NHSL2: variants seen among roughly 807,000 people sequenced by gnomAD.
NHSL2 encodes NHS-like protein 2.
A neutral mutation model predicts 53.4 loss-of-function variants in NHSL2; 27 were observed. That is an observed-to-expected ratio of 0.51 (90% confidence interval 0.37 to 0.70). The LOEUF (loss-of-function observed/expected upper bound fraction) is 0.70. NHSL2 is among the 30% of genes least tolerant of loss of function. The pLI, the probability that NHSL2 is intolerant of heterozygous loss-of-function variation, is 0.00. For synonymous variants in NHSL2, 408 were observed against 404.1 expected (o/e 1.01, Z -0.12); for missense variants, 892 against 980.1 (o/e 0.91, Z 1.20).
intron 1 of NHSL2, among the ~76,000 whole-genome samples, chrX:72,004,955 G>A (rs1009991681): frequency 1.8e-5 from 2 of 111,445 alleles, no homozygotes; most frequent in East Asian, 2.8e-4. Context: ...TATGGAAGGC[G>A]AGGCATTCTG....
At chrX:72,113,390 G>A (rs1226241577) in intron 1 of NHSL2, among the ~76,000 whole-genome samples, 2 of 111,220 alleles carry the variant, frequency 1.8e-5, no homozygotes, top group Non-Finnish European at 3.8e-5. Flanking sequence ...CTGCTGTTGT[G>A]CTAGACCCCT....
At chrX:71,961,541 G>T (rs1369923218) in intron 1 of NHSL2, among the ~76,000 whole-genome samples, 1 of 110,247 alleles carries the variant, frequency 9.1e-6, no homozygotes, top group Non-Finnish European at 1.9e-5. Context: ...GTATTGAATA[G>T]AAGTGTCAAG....
chrX:72,107,355 A>G (rs995882782), intron 1 of NHSL2, among the ~76,000 whole-genome samples: 1 of 112,491 alleles, frequency 8.9e-6, no homozygotes, highest in African/African-American at 3.2e-5. Flanking sequence ...AAATCTTAAG[A>G]TCTGGTCCCA....
intron 1 of NHSL2, among the ~76,000 whole-genome samples, chrX:72,028,868 G>A (rs926236130): frequency 8.9e-6 from 1 of 112,431 alleles, no homozygotes; most frequent in Non-Finnish European, 1.9e-5. Context: ...CCCTGGTTGG[G>A]TCCTCAGCAT....
intron 1 of NHSL2, among the ~76,000 whole-genome samples, chrX:72,056,467 A>G (rs2042369967): frequency 9.0e-6 from 1 of 110,895 alleles, no homozygotes; most frequent in Admixed American, 9.5e-5. Flanking sequence ...TCACCAATAT[A>G]CTCTCTCAGC....
intron 1 of NHSL2, among the ~76,000 whole-genome samples, chrX:71,927,673 C>A (rs2041692562): frequency 1.8e-5 from 2 of 111,320 alleles, no homozygotes; most frequent in Admixed American, 1.9e-4. Context: ...TCTCCTGCCT[C>A]AGCCTCCTGA....
chrX:72,011,183 G>A (rs777116926), intron 1 of NHSL2, among the ~76,000 whole-genome samples: 1 of 111,814 alleles, frequency 8.9e-6, no homozygotes, highest in African/African-American at 3.3e-5. Context: ...ATGTATCAAA[G>A]ACCGTTTATC....
At chrX:72,110,829 G>A (rs1971525759) in intron 1 of NHSL2, among the ~76,000 whole-genome samples, 1 of 107,581 alleles carries the variant, frequency 9.3e-6, no homozygotes, top group East Asian at 2.9e-4. Flanking sequence ...CAGCACACAC[G>A]GCCACCACAG....
intron 1 of NHSL2, among the ~76,000 whole-genome samples, chrX:72,010,230 T>C (rs1395744861): frequency 8.9e-6 from 1 of 112,052 alleles, no homozygotes; most frequent in African/African-American, 3.2e-5. Context: ...AGTGGGCCTA[T>C]TTCCAAATTA....
intron 1 of NHSL2, among the ~76,000 whole-genome samples, chrX:72,000,463 G>A (rs757038454): frequency 7.1e-5 from 8 of 112,144 alleles, no homozygotes; most frequent in Non-Finnish European, 1.3e-4. Context: ...ACACATTACC[G>A]CAAATTCAGT....
intron 1 of NHSL2, among the ~76,000 whole-genome samples, chrX:72,121,659 G>A (rs767551658): frequency 1.3e-4 from 15 of 111,961 alleles, no homozygotes; most frequent in African/African-American, 3.9e-4. Flanking sequence ...GCTTGTCCCC[G>A]TAGCTGACAG....
At chrX:71,968,299 C>G (rs761818834) in intron 1 of NHSL2, among the ~76,000 whole-genome samples, 1 of 110,975 alleles carries the variant, frequency 9.0e-6, no homozygotes, top group Non-Finnish European at 1.9e-5. Flanking sequence ...TGAGCCACTG[C>G]TCTTCACACT....
At chrX:72,094,598 T>C (rs947176165) in intron 1 of NHSL2, among the ~76,000 whole-genome samples, 1 of 110,732 alleles carries the variant, frequency 9.0e-6, no homozygotes, top group Non-Finnish European at 1.9e-5. Flanking sequence ...GGGCACCTGG[T>C]ACATCAGAGA....
At chrX:71,938,916 C>T (rs1047959051) in intron 1 of NHSL2, among the ~76,000 whole-genome samples, 8 of 112,578 alleles carry the variant, frequency 7.1e-5, no homozygotes, top group African/African-American at 1.9e-4. Flanking sequence ...TGGTTTATAC[C>T]GTAAGGTGCG....
rs1031353529 is a variant in NHSL2 at position 72,095,725 on chromosome X, G to A, written c.281-36354G>A. ...CTGAGGGGTTTAGCCAGAAAGGCAT[G>A]GGCTTTTGACCCCCATAGACCTGGA... On this transcript the variant is annotated intron_variant, in intron 1 of 7. Coordinates refer to ENST00000633930, the MANE Select transcript of NHSL2 (RefSeq NM_001013627.3). Among the ~76,000 whole-genome samples the A allele has an allele frequency of 1.4e-4, 16 of 111,650 alleles. No individual in the cohort carries two copies. In the Admixed American group the frequency reaches 1.5e-3, roughly 11 times the overall value.
At chrX:72,015,805 A>G (rs991631026) in intron 1 of NHSL2, among the ~76,000 whole-genome samples, 1 of 112,401 alleles carries the variant, frequency 8.9e-6, no homozygotes, top group African/African-American at 3.2e-5. Flanking sequence ...TTACCTGTCC[A>G]TATACTTTGC....
chrX:72,024,589 G>A (rs1402833934), intron 1 of NHSL2, among the ~76,000 whole-genome samples: 1 of 112,191 alleles, frequency 8.9e-6, no homozygotes, highest in Middle Eastern at 4.6e-3. Context: ...GGCTGAGTGG[G>A]TGGTCTAGAT....
At chrX:71,961,657 C>T (rs1207606878) in intron 1 of NHSL2, among the ~76,000 whole-genome samples, 3 of 110,541 alleles carry the variant, frequency 2.7e-5, no homozygotes, top group South Asian at 3.8e-4. Context: ...TGCCTCTTAC[C>T]GTGTTTTTTG....
chrX:72,051,636 A>G (rs2042341270), intron 1 of NHSL2, among the ~76,000 whole-genome samples: 4 of 110,983 alleles, frequency 3.6e-5, no homozygotes. Flanking sequence ...CTTCTCCACA[A>G]CATGTTCCCG....
Sources: allele counts gnomAD v4.1 joint callset (sites outside exome capture counted in the v4.1 genomes callset), GRCh38; gene constraint gnomAD v4.1.1; transcripts MANE v1.5; gene names NCBI Gene and HGNC (gene_info 2026-07-23, HGNC 2026-07-21).